The following OPRL1 variants were observed in gnomAD, a reference collection of about 807,000 sequenced individuals.
OPRL1 encodes nociceptin receptor.
In OPRL1, 5 loss-of-function variants were observed where a neutral mutation model predicts 15.5. That is an observed-to-expected ratio of 0.32 (90% confidence interval 0.17 to 0.68). OPRL1 has a LOEUF of 0.68. Ranked by LOEUF, OPRL1 falls within the 30% of genes least tolerant of loss-of-function variation. The pLI, the probability that OPRL1 is intolerant of heterozygous loss-of-function variation, is 0.72. For synonymous variants in OPRL1, 223 were observed against 230.2 expected, an observed-to-expected ratio of 0.97 and a Z score of 0.28; for missense variants, 406 against 515.3, an observed-to-expected ratio of 0.79 and a Z score of 2.05.
rs749274270 is a variant in OPRL1 at position 64,090,457 on chromosome 20, A to G, written c.-184-1509A>G. On this transcript the variant is annotated intron_variant, in intron 1 of 4. Coordinates refer to ENST00000336866, the MANE Select transcript of OPRL1 (RefSeq NM_182647.4). This position sits in a 1 kb window ranked among gnomAD's most constrained non-coding sequence, Gnocchi z 4.9. ...CTAGCAACGCTGCTGCCAGTTGCCTAGCAACCAGGTCCCCACTCATGGAGA... is the reference window on the plus strand; with the variant it reads ...CTAGCAACGCTGCTGCCAGTTGCCTGGCAACCAGGTCCCCACTCATGGAGA... Among the ~76,000 whole-genome samples, 1 of 152,198 alleles carries G rather than the reference A, an allele frequency of 6.6e-6. No homozygotes were observed.
At chr20:64,085,024 T>TGGGGCGGGTCGTGGCGG (rs2060028850) in intron 1 of OPRL1, 3 of 152,262 alleles carry the variant, frequency 2.0e-5, no homozygotes, top group African/African-American at 4.8e-5. Context: ...CTCGACCAGG[T>TGGGGCGGGTCGTGGCGG]GGGGCGGGTC....
intron 1 of OPRL1, 51 bp from the exon 2 acceptor site, chr20:64,091,913 CCT>C (rs2060121995): frequency 6.6e-6 from 1 of 152,566 alleles, no homozygotes; most frequent in Non-Finnish European, 1.5e-5. Context: ...CCTCCTCCAG[CCT>C]GCATAGCCCC....
chr20:64,081,990 A>C (rs2059972831), intron 1 of OPRL1, among the ~76,000 whole-genome samples: 1 of 152,174 alleles, frequency 6.6e-6, no homozygotes, highest in Non-Finnish European at 1.5e-5. Flanking sequence ...CTTATTTTAA[A>C]GATAAAGAAA....
chr20:64,090,116 G>C lies in OPRL1; in HGVS notation c.-184-1850G>C, dbSNP rs553630719. Among the ~76,000 whole-genome samples the C allele has an allele frequency of 5.9e-5, 9 of 152,224 alleles. No homozygotes were observed. The highest frequency in any genetic ancestry group is 1.0e-4 in the Non-Finnish European group (7 of 68,042). ...TCTAGGTCTACCCATGTGCCTGCGT[G>C]CACGTTGGCGTCATCTTGCATGTGT... On this transcript the variant is annotated intron_variant, in intron 1 of 4. Transcript: ENST00000336866. The surrounding 1 kb of genome is among the most constrained non-coding windows in gnomAD (Gnocchi z 4.9).
rs776074996 is a variant in OPRL1, at chr20:64,092,834, C to G, written c.114C>G (p.Leu38=). ...NHSLLPPHLL[L]NASHGAFLPL... is the part of the protein sequence containing the mutation. ...GTCTGCTGCCCCCGCATCTGCTGCT[C>G]AATGCCAGCCACGGCGCCTTCCTGC... The change falls in exon 3 of 5, where the codon CTC becomes CTG. Residue 38 remains leucine, a synonymous_variant. Transcript: ENST00000336866. 54 of 1,612,654 alleles carry G rather than the reference C, an allele frequency of 3.3e-5. No homozygotes were observed. The highest frequency in any genetic ancestry group is 4.6e-5 in the Non-Finnish European group (54 of 1,179,952).
intron 1 of OPRL1, chr20:64,086,422 G>A (rs1299607087): frequency 5.3e-6 from 1 of 190,052 alleles, no homozygotes; most frequent in Non-Finnish European, 1.2e-5. Flanking sequence ...TCTGCAAGAA[G>A]GGAGGTGTTC....
In OPRL1 at chr20:64,089,397, C is replaced by T. The variant is rs1484476031; in HGVS notation, c.-184-2569C>T. On this transcript the variant is annotated intron_variant, in intron 1 of 4. Coordinates refer to ENST00000336866, the MANE Select transcript of OPRL1 (RefSeq NM_182647.4). The surrounding 1 kb of genome is among the most constrained non-coding windows in gnomAD (Gnocchi z 5.5). ...GGGTGCAGGTGGCTGGTTGCTATTG[C>T]TGGGTGAGAAGGCTTGGGGTCAAAA... Among the ~76,000 whole-genome samples the T allele has an allele frequency of 6.6e-6, 1 of 151,990 alleles. No homozygotes were observed. Among genetic ancestry groups the T allele is most frequent in the Non-Finnish European group, 1.5e-5 (1 of 67,986 alleles).
chr20:64,085,807 G>T (rs890878014), intron 1 of OPRL1, among the ~76,000 whole-genome samples: 1 of 152,224 alleles, frequency 6.6e-6, no homozygotes, highest in Non-Finnish European at 1.5e-5. Context: ...TTGGCAGGAG[G>T]CTGTTGGGTG....
chr20:64,081,004 C>G (rs2059960934), intron 1 of OPRL1, among the ~76,000 whole-genome samples: 1 of 151,954 alleles, frequency 6.6e-6, no homozygotes. Flanking sequence ...GACCAGAAGC[C>G]AGCAACATAG....
In OPRL1 at chr20:64,090,636, G is replaced by C. The variant is rs902586372; in HGVS notation, c.-184-1330G>C. Among the ~76,000 whole-genome samples the C allele has an allele frequency of 6.6e-6, 1 of 152,186 alleles. No homozygotes were observed. The highest frequency in any genetic ancestry group is 2.4e-5 in the African/African-American group (1 of 41,440). ...TGACCTGTGACCTTTCATCTCAGTG[G>C]ATCAGGCATGGGACCCCCGTGCTGA... On this transcript the variant is annotated intron_variant, in intron 1 of 4. Transcript: ENST00000336866. This position sits in a 1 kb window ranked among gnomAD's most constrained non-coding sequence, Gnocchi z 4.9.
In OPRL1 at chr20:64,099,021, CCAGA is replaced by C. The variant is rs1979540909; in HGVS notation, c.*228_*231del. On this transcript the variant is annotated 3_prime_UTR_variant, in exon 5 of 5. Coordinates refer to ENST00000336866, the MANE Select transcript of OPRL1 (RefSeq NM_182647.4). ...AAGCATTAGGGCCACCTCCATGGCC[CCAGA>C]CAGACTAAAGCTGCCCTCCTGGTGC... 1 of 619,628 alleles carries C rather than the reference CCAGA, an allele frequency of 1.6e-6. No individual in the cohort carries two copies. Among genetic ancestry groups the C allele is most frequent in the African/African-American group, 1.9e-5 (1 of 54,030 alleles). The allele number at this position is 619,628 out of a possible 1,614,324, so 38.4% of individuals were successfully genotyped here.
chr20:64,089,168 G>T lies in OPRL1; in HGVS notation c.-184-2798G>T, dbSNP rs2060096146. Among the ~76,000 whole-genome samples the T allele has an allele frequency of 6.6e-6, 1 of 152,132 alleles. No individual in the cohort carries two copies. The highest frequency in any genetic ancestry group is 2.1e-4 in the South Asian group (1 of 4,830). Reference sequence around the variant, plus strand: ...GCACAAGGGAGGGAGAAGCTGTCCTGGGTTCTATGGTTATGAACATGTCAG... The same window carrying T: ...GCACAAGGGAGGGAGAAGCTGTCCTTGGTTCTATGGTTATGAACATGTCAG... On this transcript the variant is annotated intron_variant, in intron 1 of 4. Coordinates refer to ENST00000336866, the MANE Select transcript of OPRL1 (RefSeq NM_182647.4). The surrounding 1 kb of genome is among the most constrained non-coding windows in gnomAD (Gnocchi z 5.5).
rs1381958859 is a variant in OPRL1 at position 64,083,704 on chromosome 20, G to A, written c.-185+3352G>A. The A allele has an allele frequency of 2.9e-6, 4 of 1,385,238 alleles. No homozygotes were observed. The African/African-American group carries it at 4.6e-5, about 16-fold the overall frequency. The allele number at this position is 1,385,238 out of a possible 1,614,324, so 85.8% of individuals were successfully genotyped here. ...CTGGATGAGCAGCGCGATCTCCTCG[G>A]CCTGCGGGGCCCGGGTAGCTGAGCG... is the stretch of plus-strand genomic sequence containing the variant. On this transcript the variant is annotated intron_variant, in intron 1 of 4. Coordinates refer to ENST00000336866, the MANE Select transcript of OPRL1 (RefSeq NM_182647.4). The surrounding 1 kb of genome is among the most constrained non-coding windows in gnomAD (Gnocchi z 4.9).
chr20:64,097,973 C>A lies in OPRL1; in HGVS notation c.405C>A (p.Phe135Leu). ...TVIAIDYYNMFTSTFTLTAMS... is the reference protein window; with the variant it reads ...TVIAIDYYNMLTSTFTLTAMS... ...TTGCCATTGACTACTACAACATGTTCACCAGCACCTTCACCCTAACTGCCA... is the reference window on the plus strand; with the variant it reads ...TTGCCATTGACTACTACAACATGTTAACCAGCACCTTCACCCTAACTGCCA... Residue 135 changes from phenylalanine to leucine, a missense_variant, in exon 4 of 5, where the codon TTC (phenylalanine) becomes TTA (leucine). By Grantham distance (22) the Phe-to-Leu change is conservative. Transcript: ENST00000336866. The surrounding 1 kb of genome is among the most constrained non-coding windows in gnomAD (Gnocchi z 4.2). The A allele has an allele frequency of 6.2e-7, 1 of 1,613,736 alleles. No homozygotes were observed. The highest frequency in any genetic ancestry group is 1.1e-5 in the South Asian group (1 of 91,088).
chr20:64,084,497 C>G (rs1377181980), intron 1 of OPRL1: 10 of 764,972 alleles, frequency 1.3e-5, no homozygotes, highest in Non-Finnish European at 1.7e-5. Flanking sequence ...AAATATCTTT[C>G]CTACCCGATG....
Position 64,092,895 on chromosome 20 carries a change from C to T in OPRL1, c.175C>T (p.Leu59=). ...GLKVTIVGLY[L]AVCVGGLLGN... Reference sequence around the variant, plus strand: ...CAAGGTCACCATCGTGGGGCTCTACCTGGCCGTGTGTGTCGGAGGGCTCCT... The same window carrying T: ...CAAGGTCACCATCGTGGGGCTCTACTTGGCCGTGTGTGTCGGAGGGCTCCT... Residue 59 remains leucine, a synonymous_variant, in exon 3 of 5, where the codon CTG becomes TTG. Coordinates refer to ENST00000336866, the MANE Select transcript of OPRL1 (RefSeq NM_182647.4). The T allele has an allele frequency of 1.6e-5, 25 of 1,612,784 alleles. No individual in the cohort carries two copies. Among genetic ancestry groups the T allele is most frequent in the Non-Finnish European group, 2.1e-5 (25 of 1,179,938 alleles).
Position 64,097,242 on chromosome 20 carries a change from C to T in OPRL1, c.234-560C>T, listed in dbSNP as rs1238775945. Among the ~76,000 whole-genome samples, 1 of 152,144 alleles carries T rather than the reference C, an allele frequency of 6.6e-6. No homozygotes were observed. Among genetic ancestry groups the T allele is most frequent in the Non-Finnish European group, 1.5e-5 (1 of 68,026 alleles). ...CAGCACCATTTCAGGTGCTTGGATA[C>T]ACTCATACCTTATTAGCATCCCTCC... On this transcript the variant is annotated intron_variant, in intron 3 of 4. Transcript: ENST00000336866. This position sits in a 1 kb window ranked among gnomAD's most constrained non-coding sequence, Gnocchi z 4.2.
rs2060083662 is a variant in OPRL1 at position 64,088,704 on chromosome 20, G to GCCAGGA, written c.-184-3262_-184-3261insCCAGGA. 1.8e-3 allele frequency among the ~76,000 whole-genome samples: 47 copies of GCCAGGA among 25,492 alleles called. 1 individual carries two copies. The highest frequency in any genetic ancestry group is 2.8e-3 in the Admixed American group (7 of 2,480). The allele number at this position is 25,492 out of a possible 152,430, so 16.7% of individuals were successfully genotyped here. A position where few individuals can be genotyped will look rare whatever the true frequency, so the allele number is the denominator to read the frequency against. On this transcript the variant is annotated intron_variant, in intron 1 of 4. Transcript: ENST00000336866. ...CCAGGATCTGTGCAGGGAGGCCAGG[G>GCCAGGA]TCTGTGCAGAGTGGCCAGGATCTGT... is the stretch of plus-strand genomic sequence containing the variant.
At chr20:64,093,320 G>A (rs1309367381) in intron 3 of OPRL1, among the ~76,000 whole-genome samples, 4 of 150,036 alleles carry the variant, frequency 2.7e-5, no homozygotes, top group African/African-American at 9.9e-5. Flanking sequence ...CTAGATGGGC[G>A]AAGGGAGGCG....
Sources: allele counts gnomAD v4.1 joint callset (sites outside exome capture counted in the v4.1 genomes callset), GRCh38; gene constraint gnomAD v4.1.1; non-coding constraint Gnocchi (gnomAD v3.1); transcripts MANE v1.5; gene names NCBI Gene and HGNC (gene_info 2026-07-23, HGNC 2026-07-21).